LOXHD1: variants seen among roughly 807,000 people sequenced by gnomAD.
LOXHD1 encodes lipoxygenase homology PLAT domains 1.
A neutral mutation model predicts 248.2 loss-of-function variants in LOXHD1; 205 were observed. The observed-to-expected ratio is 0.83, with a 90% CI of 0.74 to 0.93. LOXHD1 has a LOEUF of 0.93. LOXHD1 is among the 40% of genes least tolerant of loss of function. LOXHD1 has a pLI of 0.00. For missense variants in LOXHD1, 2,930 were observed against 2,971.6 expected, an observed-to-expected ratio of 0.99 and a Z score of 0.33; for synonymous variants, 1,113 against 1,162.8, an observed-to-expected ratio of 0.96 and a Z score of 0.87.
chr18:46,563,299 C>G (rs1599007879), intron 17 of LOXHD1, 74 bp from the exon 18 acceptor site: 6 of 1,374,522 alleles, frequency 4.4e-6, no homozygotes, highest in African/African-American at 1.4e-5. Context: ...CAAAACAAAC[C>G]TTTCCTGAGC....
Position 46,547,022 on chromosome 18 carries a change from C to T in LOXHD1, c.3387G>A (p.Glu1129=). 1 of 1,551,806 alleles carries T rather than the reference C, an allele frequency of 6.4e-7. No individual in the cohort carries two copies. Among genetic ancestry groups the T allele is most frequent in the Non-Finnish European group, 8.7e-7 (1 of 1,147,020 alleles). Reference sequence around the variant, plus strand: ...CCCTGGACAGCTGGCCATCATCTTCCTCCACTGCCAGCCAACGTTGGCATG... The same window carrying T: ...CCCTGGACAGCTGGCCATCATCTTCTTCCACTGCCAGCCAACGTTGGCATG... ...YFPCQRWLAV[E]EDDGQLSREL... Residue 1129 remains glutamate (E), a synonymous_variant, in exon 22 of 41, where the codon GAG becomes GAA. Coordinates refer to ENST00000642948, the MANE Select transcript of LOXHD1 (RefSeq NM_001384474.1).
chr18:46,605,562 G>A (rs1197971804), intron 6 of LOXHD1, among the ~76,000 whole-genome samples: 1 of 152,110 alleles, frequency 6.6e-6, no homozygotes, highest in Non-Finnish European at 1.5e-5. Flanking sequence ...TTTTAGGAAT[G>A]CATCTCTTGC....
At chr18:46,498,542 A>G (rs1461425382) in intron 37 of LOXHD1, among the ~76,000 whole-genome samples, 1 of 152,224 alleles carries the variant, frequency 6.6e-6, no homozygotes, top group African/African-American at 2.4e-5. Flanking sequence ...GCTCTAGAGA[A>G]GAATCCTTCC....
chr18:46,599,565 G>T (rs1488302962), intron 8 of LOXHD1, among the ~76,000 whole-genome samples: 1 of 152,014 alleles, frequency 6.6e-6, no homozygotes, highest in Non-Finnish European at 1.5e-5. Context: ...AATACCAAAT[G>T]CATTAGTCAT....
intron 8 of LOXHD1, among the ~76,000 whole-genome samples, chr18:46,595,411 C>G (rs192883759): frequency 6.6e-6 from 1 of 152,332 alleles, no homozygotes; most frequent in Admixed American, 6.5e-5. Flanking sequence ...CAGTAGCCCC[C>G]TCAAACATTT....
intron 7 of LOXHD1, among the ~76,000 whole-genome samples, chr18:46,602,117 A>G (rs1469689959): frequency 6.6e-6 from 1 of 152,212 alleles, no homozygotes; most frequent in African/African-American, 2.4e-5. Context: ...AAACTCTGGG[A>G]CTGGGCGAAG....
chr18:46,549,155 C>T (rs1279861787), intron 21 of LOXHD1, among the ~76,000 whole-genome samples: 4 of 152,104 alleles, frequency 2.6e-5, no homozygotes, highest in African/African-American at 9.7e-5. Flanking sequence ...GGGAGGGGAC[C>T]AGGCAGGGGT....
At position 46,524,723 on chromosome 18, in the gene LOXHD1, C is replaced by A; in HGVS notation, c.4725G>T (p.Arg1575Ser). 1 of 1,551,748 alleles carries A rather than the reference C, an allele frequency of 6.4e-7. No homozygotes were observed. The highest frequency in any genetic ancestry group is 8.7e-7 in the Non-Finnish European group (1 of 1,147,014). The part of the protein sequence containing the change: ...SLKKEDGRLE[R>S]LFYEKEYTGD... ...CTTGGCTCACCTTCTCGTAAAAGAG[C>A]CTCTCGAGTCGCCCATCCTCCTTCT... is the stretch of plus-strand genomic sequence containing the variant. Residue 1575 changes from arginine (R) to serine (S), a missense_variant, in exon 30 of 41, where the codon AGG (arginine) becomes AGT (serine). Arg to Ser is a moderately radical substitution (Grantham distance 110). Transcript: ENST00000642948.
chr18:46,508,741 T>C (rs181818439), intron 35 of LOXHD1, among the ~76,000 whole-genome samples: 31 of 152,346 alleles, frequency 2.0e-4, no homozygotes, highest in South Asian at 4.1e-4. Flanking sequence ...GGCATAGTCA[T>C]TGCCTTTATG....
At chr18:46,534,473 C>T in intron 26 of LOXHD1, 22 bp from the exon 27 acceptor site, 2 of 1,523,048 alleles carry the variant, frequency 1.3e-6, no homozygotes, top group Non-Finnish European at 1.8e-6. Flanking sequence ...AGATAAGGCA[C>T]TGAATGTTAG....
intron 8 of LOXHD1, among the ~76,000 whole-genome samples, chr18:46,600,998 G>A (rs1354920732): frequency 1.3e-5 from 2 of 152,146 alleles, no homozygotes; most frequent in African/African-American, 4.8e-5. Context: ...AACCTGTCCT[G>A]CTTGGCCCTT....
chr18:46,641,054 T>G (rs1281499162), intron 3 of LOXHD1, among the ~76,000 whole-genome samples: 1 of 151,954 alleles, frequency 6.6e-6, no homozygotes, highest in Non-Finnish European at 1.5e-5. Context: ...CAGCTAGAGG[T>G]CGCCTTTACT....
intron 12 of LOXHD1, among the ~76,000 whole-genome samples, chr18:46,588,547 TG>T (rs2038105699): frequency 6.6e-6 from 1 of 152,192 alleles, no homozygotes; most frequent in African/African-American, 2.4e-5. Flanking sequence ...CCTCCTGACA[TG>T]GTCTCTCCTT....
intron 4 of LOXHD1, among the ~76,000 whole-genome samples, chr18:46,624,981 C>T (rs781217394): frequency 2.0e-5 from 3 of 152,062 alleles, no homozygotes; most frequent in Admixed American, 6.5e-5. Context: ...TCTATCACAT[C>T]GTTTAATCCT....
chr18:46,653,622 G>A (rs1026842607), intron 1 of LOXHD1, among the ~76,000 whole-genome samples: 13 of 152,310 alleles, frequency 8.5e-5, no homozygotes, highest in African/African-American at 3.1e-4. Flanking sequence ...CTTAGCAACA[G>A]CCCAGCACAT....
chr18:46,639,594 G>A (rs2038936858), intron 4 of LOXHD1, 22 bp downstream of exon 4: 1 of 1,540,782 alleles, frequency 6.5e-7, no homozygotes, highest in East Asian at 2.5e-5. Context: ...GGGATGGCAG[G>A]CAGGCCAGCC....
chr18:46,539,164 A>G (rs1041231374), intron 25 of LOXHD1, among the ~76,000 whole-genome samples: 15 of 152,212 alleles, frequency 9.9e-5, no homozygotes, highest in Non-Finnish European at 1.8e-4. Context: ...TGCTTGTTAA[A>G]AATACAGATT....
chr18:46,590,246 G>A (rs548474426), intron 12 of LOXHD1, among the ~76,000 whole-genome samples: 24 of 152,102 alleles, frequency 1.6e-4, no homozygotes, highest in Admixed American at 5.2e-4. Flanking sequence ...CCAGGAATCC[G>A]TGTTTTAACA....
intron 29 of LOXHD1, among the ~76,000 whole-genome samples, chr18:46,528,511 CT>C (rs993915196): frequency 6.6e-5 from 10 of 152,260 alleles, no homozygotes; most frequent in African/African-American, 2.2e-4. Flanking sequence ...GTTTTCAAGC[CT>C]TTTTATAGCC....
Sources: allele counts gnomAD v4.1 joint callset (sites outside exome capture counted in the v4.1 genomes callset), GRCh38; gene constraint gnomAD v4.1.1; transcripts MANE v1.5; gene names NCBI Gene and HGNC (gene_info 2026-07-23, HGNC 2026-07-21).